The following MITF variants were observed in gnomAD, a reference collection of about 807,000 sequenced individuals.
MITF encodes microphthalmia-associated transcription factor.
A neutral mutation model predicts 60.5 loss-of-function variants in MITF; 17 were observed. The ratio of observed to expected loss-of-function variants is 0.28; its 90% CI spans 0.19 to 0.42. The LOEUF is 0.42. MITF is among the 10% of genes least tolerant of loss of function. The pLI, the probability that MITF is intolerant of heterozygous loss-of-function variation, is 1.00. For synonymous variants in MITF, 260 were observed against 248.5 expected (o/e 1.05, Z -0.43); for missense variants, 622 against 683.5 (o/e 0.91, Z 1.00).
At position 69,769,659 on chromosome 3, in the gene MITF, A is replaced by T. The variant is rs189060022; in HGVS notation, c.104+29958A>T. On this transcript the variant is annotated intron_variant, in intron 1 of 9. Transcript: ENST00000352241. ...TAGGAGGTCACCATATTGATGCCGA[A>T]CTCATTGCACTCACCAGATCAGCAA... 581 of 152,236 alleles carry T rather than the reference A, an allele frequency of 3.8e-3. 1 individual carries two copies. The highest frequency in any genetic ancestry group is 4.6e-3 in the Non-Finnish European group (310 of 68,042). 9.4% of individuals were successfully genotyped at this position (152,236 alleles called of 1,614,324 possible).
intron 1 of MITF, among the ~76,000 whole-genome samples, chr3:69,858,971 A>G (rs1394528226): frequency 6.6e-6 from 1 of 152,120 alleles, no homozygotes; most frequent in Non-Finnish European, 1.5e-5. Context: ...AGTACTTTTC[A>G]TACTTTATCT....
intron 2 of MITF, among the ~76,000 whole-genome samples, chr3:69,913,813 C>A (rs762477872): frequency 6.6e-6 from 1 of 152,160 alleles, no homozygotes; most frequent in Non-Finnish European, 1.5e-5. Flanking sequence ...GATGCCTACT[C>A]AACCTTCCCA....
intron 1 of MITF, among the ~76,000 whole-genome samples, chr3:69,838,879 T>A (rs1468487711): frequency 6.6e-6 from 1 of 152,162 alleles, no homozygotes; most frequent in Non-Finnish European, 1.5e-5. Context: ...ATTGCAAAGG[T>A]CATGTGTAAG....
In MITF at chr3:69,750,837, C is replaced by T. The variant is rs115862982; in HGVS notation, c.104+11136C>T. ...TGCTCAATGAACTTGTGATAGAAAG[C>T]ATTGCATAGAGATGGGATATAAATA... is the stretch of plus-strand genomic sequence containing the variant. On this transcript the variant is annotated intron_variant, in intron 1 of 9. Transcript: ENST00000352241. Among the ~76,000 whole-genome samples the T allele has an allele frequency of 5.5e-3, 831 of 152,176 alleles. 4 individuals carry two copies. Among genetic ancestry groups the T allele is most frequent in the African/African-American group, 0.019 (789 of 41,512 alleles).
In MITF at chr3:69,802,120, C is replaced by T. The variant is rs533649625; in HGVS notation, c.104+62419C>T. On this transcript the variant is annotated intron_variant, in intron 1 of 9. Transcript: ENST00000352241. ...AAGAGATTTGCCTAGAGCAGTGGCT[C>T]TCACCTGAGGATGATTTTAGCTCCC... Among the ~76,000 whole-genome samples the T allele has an allele frequency of 3.3e-5, 5 of 152,268 alleles. No homozygotes were observed. In the East Asian group the frequency reaches 5.8e-4, roughly 18 times the overall value.
intron 2 of MITF, 35 bp from the exon 3 acceptor site, chr3:69,937,787 G>A (rs1326385427): frequency 1.9e-6 from 3 of 1,573,090 alleles, no homozygotes; most frequent in East Asian, 2.2e-5. Flanking sequence ...ACAAATAACA[G>A]CGCTGTTTTC....
chr3:69,933,089 A>C (rs1227975565), intron 2 of MITF, among the ~76,000 whole-genome samples: 1 of 152,078 alleles, frequency 6.6e-6, no homozygotes, highest in Admixed American at 6.6e-5. Flanking sequence ...TGAAGTGGGA[A>C]GATCACTTGA....
chr3:69,915,485 G>A (rs1380848838), intron 2 of MITF, among the ~76,000 whole-genome samples: 2 of 151,176 alleles, frequency 1.3e-5, no homozygotes, highest in Non-Finnish European at 2.9e-5. Context: ...ATATATATTT[G>A]TATGTACAAA....
At chr3:69,945,973 T>G (rs529972906) in intron 5 of MITF, among the ~76,000 whole-genome samples, 1 of 152,304 alleles carries the variant, frequency 6.6e-6, no homozygotes, top group South Asian at 2.1e-4. Flanking sequence ...ACAATGTACT[T>G]AGTAATTAAC....
At chr3:69,942,557 T>G in intron 5 of MITF, among the ~76,000 whole-genome samples, 1 of 152,208 alleles carries the variant, frequency 6.6e-6, no homozygotes, top group Middle Eastern at 3.4e-3. Context: ...ACCTCAAGCT[T>G]CTTTTATGAT....
chr3:69,928,331 A>G (rs1012670496), intron 2 of MITF, among the ~76,000 whole-genome samples: 3 of 152,074 alleles, frequency 2.0e-5, no homozygotes, highest in African/African-American at 4.8e-5. Context: ...ATTTTCTCCT[A>G]TGAGATTGTT....
intron 2 of MITF, among the ~76,000 whole-genome samples, chr3:69,923,031 C>T (rs75096851): frequency 0.013 from 2,049 of 152,208 alleles, 44 homozygotes; most frequent in African/African-American, 0.04. Flanking sequence ...GTCCACCCAG[C>T]GGGGGACCAA....
intron 1 of MITF, among the ~76,000 whole-genome samples, chr3:69,822,976 G>A (rs554921789): frequency 6.6e-6 from 1 of 151,096 alleles, no homozygotes; most frequent in Non-Finnish European, 1.5e-5. Flanking sequence ...TCGGCTCACT[G>A]CAAGCAATTT....
intron 6 of MITF, 89 bp downstream of exon 6, chr3:69,949,257 T>A: frequency 5.1e-6 from 5 of 976,404 alleles, no homozygotes; most frequent in South Asian, 3.9e-5. Flanking sequence ...GTGCAAACTA[T>A]ATCCAACTCA....
chr3:69,924,909 C>T (rs2065551443), intron 2 of MITF, among the ~76,000 whole-genome samples: 2 of 152,052 alleles, frequency 1.3e-5, no homozygotes, highest in South Asian at 4.2e-4. Context: ...TCTCACAATC[C>T]ATCTATGATA....
At chr3:69,790,346 G>A (rs768703040) in intron 1 of MITF, among the ~76,000 whole-genome samples, 1 of 152,184 alleles carries the variant, frequency 6.6e-6, no homozygotes, top group African/African-American at 2.4e-5. Flanking sequence ...GAAAAGGGGA[G>A]TTGGTATTTA....
chr3:69,935,291 C>A (rs2065807323), intron 2 of MITF, among the ~76,000 whole-genome samples: 1 of 152,172 alleles, frequency 6.6e-6, no homozygotes, highest in African/African-American at 2.4e-5. Flanking sequence ...GTAATAAAGA[C>A]CTCACTGACA....
chr3:69,831,891 TG>T (rs2063453448), intron 1 of MITF, among the ~76,000 whole-genome samples: 1 of 152,098 alleles, frequency 6.6e-6, no homozygotes, highest in Admixed American at 6.5e-5. Context: ...GAACCAGTGG[TG>T]GAACGGTGCC....
intron 4 of MITF, 51 bp downstream of exon 4, chr3:69,939,232 A>G (rs747499572): frequency 4.6e-6 from 7 of 1,514,560 alleles, no homozygotes; most frequent in African/African-American, 4.1e-5. Flanking sequence ...ATGAGAATCT[A>G]TATTTGTGGT....
Sources: gnomAD v4.1 joint callset for allele counts (sites outside exome capture counted in the v4.1 genomes callset) on GRCh38, gnomAD v4.1.1 for gene constraint, MANE v1.5 for transcripts, NCBI Gene and HGNC (gene_info 2026-07-23, HGNC 2026-07-21) for gene names.